AGBL1: variants seen among roughly 807,000 people sequenced by gnomAD.
AGBL1 encodes the protein AGBL carboxypeptidase 1, also known as cytosolic carboxypeptidase 4.
In AGBL1, 130 loss-of-function variants were observed where a neutral mutation model predicts 118.9. That is an observed-to-expected ratio of 1.09 (90% CI 0.95 to 1.26). The LOEUF is 1.26. AGBL1 is among the 50% of genes most tolerant of loss of function. The pLI, the probability that AGBL1 is intolerant of heterozygous loss-of-function variation, is 0.00. For missense variants in AGBL1, 1,584 were observed against 1,298.1 expected (o/e 1.22, Z -3.38); for synonymous variants, 555 against 478.9 (o/e 1.16, Z -2.08).
intron 18 of AGBL1, among the ~76,000 whole-genome samples, chr15:86,406,495 G>C (rs1040225004): frequency 2.0e-5 from 3 of 152,144 alleles, no homozygotes; most frequent in African/African-American, 7.2e-5. Context: ...GCTTAAGGAA[G>C]AAATTTAAAG....
intron 21 of AGBL1, among the ~76,000 whole-genome samples, chr15:86,565,669 G>A (rs138442781): frequency 2.0e-3 from 301 of 152,324 alleles, no homozygotes; most frequent in African/African-American, 6.6e-3. Context: ...GTCAGACAGG[G>A]ACATTTAATT....
intron 22 of AGBL1, among the ~76,000 whole-genome samples, chr15:86,802,227 A>G (rs990935502): frequency 2.0e-4 from 30 of 151,826 alleles, no homozygotes; most frequent in African/African-American, 6.8e-4. Context: ...TTTAGACTTT[A>G]TATTATTATT....
intron 23 of AGBL1, chr15:86,938,870 C>T (rs1409455717): frequency 6.6e-6 from 1 of 152,154 alleles, no homozygotes; most frequent in African/African-American, 2.4e-5. Context: ...TGGAGAACTG[C>T]ACTAAAACAA....
rs548397800 is a variant in AGBL1 at position 86,705,211 on chromosome 15, G to A, written c.3158+30775G>A. On this transcript the variant is annotated intron_variant, in intron 22 of 22. Coordinates refer to ENST00000614907, the MANE Select transcript of AGBL1 (RefSeq NM_001386094.1). The stretch of plus-strand genomic sequence containing the variant: ...TGCAGGACTTAAAACCTAAATGTTG[G>A]GTTGATAGGTGCAGCAAACCACCAT... 1.4e-3 allele frequency among the ~76,000 whole-genome samples: 215 copies of A among 152,146 alleles called. 1 individual carries two copies. The highest frequency in any genetic ancestry group is 2.7e-3 in the Non-Finnish European group (182 of 67,990).
At chr15:87,010,561 C>G (rs1003360175) in intron 24 of AGBL1, among the ~76,000 whole-genome samples, 12 of 152,192 alleles carry the variant, frequency 7.9e-5, no homozygotes, top group African/African-American at 2.7e-4. Context: ...TTCTCCTGCC[C>G]TTGGACCACA....
chr15:87,016,402 G>A (rs1419719868), intron 24 of AGBL1, among the ~76,000 whole-genome samples: 1 of 152,204 alleles, frequency 6.6e-6, no homozygotes, highest in African/African-American at 2.4e-5. Flanking sequence ...GCTGTGCCTT[G>A]AAGAATGAGT....
intron 18 of AGBL1, among the ~76,000 whole-genome samples, chr15:86,430,580 A>T (rs1303002797): frequency 6.6e-6 from 1 of 152,028 alleles, no homozygotes; most frequent in Non-Finnish European, 1.5e-5. Flanking sequence ...ATATAATCTT[A>T]TCCTCAAAAG....
chr15:86,230,508 G>T (rs912969629), intron 6 of AGBL1, among the ~76,000 whole-genome samples: 1 of 152,208 alleles, frequency 6.6e-6, no homozygotes, highest in Non-Finnish European at 1.5e-5. Flanking sequence ...TAAATTCTGT[G>T]TTTCCACACT....
chr15:86,757,838 T>C lies in AGBL1; in HGVS notation c.3158+83402T>C, dbSNP rs577649621. On this transcript the variant is annotated intron_variant, in intron 22 of 22. Transcript: ENST00000614907. ...TCCTGCCGTGGCTGGCTCTTTATTCTTTAACCATAGTAGAACAAGAAAACC... is the reference window on the plus strand; with the variant it reads ...TCCTGCCGTGGCTGGCTCTTTATTCCTTAACCATAGTAGAACAAGAAAACC... 2.0e-3 allele frequency among the ~76,000 whole-genome samples: 299 copies of C among 152,232 alleles called. 1 individual carries two copies. Among genetic ancestry groups the C allele is most frequent in the Non-Finnish European group, 3.2e-3 (217 of 67,996 alleles).
At chr15:86,145,188 G>A (rs1218670091) in intron 3 of AGBL1, among the ~76,000 whole-genome samples, 1 of 152,146 alleles carries the variant, frequency 6.6e-6, no homozygotes, top group Non-Finnish European at 1.5e-5. Flanking sequence ...TTTCCCAAAA[G>A]AATAACATTC....
At chr15:86,283,038 C>G (rs1269673035) in intron 16 of AGBL1, among the ~76,000 whole-genome samples, 1 of 152,070 alleles carries the variant, frequency 6.6e-6, no homozygotes, top group African/African-American at 2.4e-5. Context: ...GCCAGCAAGT[C>G]TGTTGGATAA....
chr15:86,351,021 A>C (rs1442962246), intron 17 of AGBL1, among the ~76,000 whole-genome samples: 2 of 152,200 alleles, frequency 1.3e-5, no homozygotes, highest in Non-Finnish European at 2.9e-5. Context: ...GCCTGTCTTA[A>C]ATTTCTCTGG....
rs567448038 is a variant in AGBL1 at position 86,511,064 on chromosome 15, G to A, written c.2556-11746G>A. Among the ~76,000 whole-genome samples, 17 of 152,128 alleles carry A rather than the reference G, an allele frequency of 1.1e-4. No homozygotes were observed. In the South Asian group the frequency reaches 3.5e-3, roughly 32 times the overall value. On this transcript the variant is annotated intron_variant, in intron 18 of 22. Coordinates refer to ENST00000614907, the MANE Select transcript of AGBL1 (RefSeq NM_001386094.1). Reference sequence around the variant, plus strand: ...TAAGAATAGTATCCGACACATAGTAGGTGTTCTAGTTGAACAACAAATGTG... The same window carrying A: ...TAAGAATAGTATCCGACACATAGTAAGTGTTCTAGTTGAACAACAAATGTG...
At chr15:86,945,643 A>G (rs1446773329) in intron 23 of AGBL1, among the ~76,000 whole-genome samples, 2 of 152,226 alleles carry the variant, frequency 1.3e-5, no homozygotes, top group East Asian at 3.9e-4. Flanking sequence ...ACTGCACTTC[A>G]GTGTGGACAA....
At chr15:86,100,350 A>G (rs1164992034) in intron 1 of AGBL1, among the ~76,000 whole-genome samples, 1 of 152,120 alleles carries the variant, frequency 6.6e-6, no homozygotes, top group African/African-American at 2.4e-5. Context: ...TGTAGAATGA[A>G]TTAGGGAGAA....
chr15:86,132,026 A>G (rs2076826793), intron 1 of AGBL1, among the ~76,000 whole-genome samples: 1 of 152,098 alleles, frequency 6.6e-6, no homozygotes, highest in Non-Finnish European at 1.5e-5. Context: ...TAACCCTCAA[A>G]TTGTACAGAA....
chr15:86,116,775 A>C (rs918521014), intron 1 of AGBL1: 1 of 152,074 alleles, frequency 6.6e-6, no homozygotes, highest in Non-Finnish European at 1.5e-5. Context: ...ACTGAATTCT[A>C]TTGGGTTCTC....
At chr15:86,945,390 G>A (rs749372630) in intron 23 of AGBL1, among the ~76,000 whole-genome samples, 3 of 152,018 alleles carry the variant, frequency 2.0e-5, no homozygotes, top group Non-Finnish European at 2.9e-5. Flanking sequence ...AAAACCAGCC[G>A]GGCACAGTGG....
chr15:86,745,043 A>G (rs2077735490), intron 22 of AGBL1, among the ~76,000 whole-genome samples: 1 of 152,094 alleles, frequency 6.6e-6, no homozygotes, highest in South Asian at 2.1e-4. Context: ...AGACAAGGTA[A>G]TAGAGTATGT....
Sources: allele counts gnomAD v4.1 joint callset (sites outside exome capture counted in the v4.1 genomes callset), GRCh38; gene constraint gnomAD v4.1.1; transcripts MANE v1.5; gene names NCBI Gene and HGNC (gene_info 2026-07-23, HGNC 2026-07-21).